LCN12: variants seen among roughly 807,000 people sequenced by gnomAD.
LCN12 encodes lipocalin 12.
LCN12 carries 15 observed loss-of-function variants against 23.7 expected under a neutral mutation model. The observed-to-expected ratio is 0.63, with a 90% CI of 0.42 to 0.97. LCN12 has a LOEUF of 0.97. Among genes scored for constraint, LCN12 ranks in the 50% least tolerant of loss-of-function variants. The pLI, the probability that LCN12 is intolerant of heterozygous loss-of-function variation, is 0.00. For synonymous variants in LCN12, 116 were observed against 111.5 expected, an observed-to-expected ratio of 1.04 and a Z score of -0.25; for missense variants, 219 against 249.6, an observed-to-expected ratio of 0.88 and a Z score of 0.83.
chr9:136,953,776 G>A lies in LCN12; in HGVS notation c.328G>A (p.Val110Met), dbSNP rs944829281. ...TGGGCAGTTCACTGTGGACCACGGT[G>A]TGGGTAAGCCAGTCACAGGAGGGAG... Reference protein sequence around the residue: ...QPGQFTVDHGVEPGADREETR... With the variant: ...QPGQFTVDHGMEPGADREETR... The change falls in exon 3 of 6, where the codon GTG becomes ATG. Residue 110 changes from valine (V) to methionine (M), a missense_variant. Coordinates refer to ENST00000371633, the MANE Select transcript of LCN12 (RefSeq NM_178536.4). 4 of 1,606,046 alleles carry A rather than the reference G, an allele frequency of 2.5e-6. No individual in the cohort carries two copies. The highest frequency in any genetic ancestry group is 2.7e-5 in the African/African-American group (2 of 75,004).
intron 2 of LCN12, among the ~76,000 whole-genome samples, chr9:136,953,269 C>T (rs1851211333): frequency 6.6e-6 from 1 of 151,848 alleles, no homozygotes; most frequent in Admixed American, 6.5e-5. Flanking sequence ...ACCTGTAATC[C>T]CAGCACTTCC....
rs1851257111 is a variant in LCN12, at chr9:136,954,261, A to T, written c.550+6A>T. 6.4e-7 allele frequency: 1 copy of T among 1,561,868 alleles called. No individual in the cohort carries two copies. The highest frequency in any genetic ancestry group is 8.7e-7 in the Non-Finnish European group (1 of 1,152,594). ...CGTCTTCCCAGATGTGACTGGTAACATGGTTCACCTGCAGGCATGCTGGGC... is the reference window on the plus strand; with the variant it reads ...CGTCTTCCCAGATGTGACTGGTAACTTGGTTCACCTGCAGGCATGCTGGGC... On this transcript the variant is annotated splice_donor_region_variant and intron_variant, in intron 5 of 5. Coordinates refer to ENST00000371633, the MANE Select transcript of LCN12 (RefSeq NM_178536.4).
At chr9:136,954,715 TC>T in intron 5 of LCN12, 6 of 1,291,504 alleles carry the variant, frequency 4.6e-6, no homozygotes, top group Non-Finnish European at 6.1e-6. Context: ...GAGCTTGGAC[TC>T]ATCCCAGGAG....
In LCN12 at chr9:136,954,352, C is replaced by T. The variant is rs866762896; in HGVS notation, c.550+97C>T. ...AGAGGAGCTGGACCCAGTGTCTACC[C>T]AGGGAGCTCAGCCCCAGCCTGCGCT... On this transcript the variant is annotated intron_variant, in intron 5 of 5. Transcript: ENST00000371633. 50 of 1,346,338 alleles carry T rather than the reference C, an allele frequency of 3.7e-5. No homozygotes were observed. The African/African-American group carries it at 6.3e-4, about 17-fold the overall frequency. 83.4% of individuals were successfully genotyped at this position (1,346,338 alleles called of 1,614,324 possible).
chr9:136,954,636 G>T, intron 5 of LCN12: 2 of 1,026,262 alleles, frequency 1.9e-6, no homozygotes, highest in Non-Finnish European at 2.6e-6. Flanking sequence ...CCCCTGTCCC[G>T]GGCCATCTCC....
rs1201005756 is a variant in LCN12, at chr9:136,952,801, A to C, written c.115-91A>C. On this transcript the variant is annotated intron_variant, in intron 1 of 5. Coordinates refer to ENST00000371633, the MANE Select transcript of LCN12 (RefSeq NM_178536.4). The stretch of plus-strand genomic sequence containing the variant: ...AGGAGCACTGCTCTGTGAGGGGTCC[A>C]GAAGCTGCCAGGGAGGGCGGGAGGG... The C allele has an allele frequency of 4.1e-6, 6 of 1,474,232 alleles. No homozygotes were observed. In the African/African-American group the frequency reaches 8.4e-5, roughly 21 times the overall value. 91.3% of individuals were successfully genotyped at this position (1,474,232 alleles called of 1,614,324 possible).
upstream of LCN12, among the ~76,000 whole-genome samples, chr9:136,950,486 G>A (rs980112329): frequency 6.6e-6 from 1 of 152,180 alleles, no homozygotes; most frequent in African/African-American, 2.4e-5. Flanking sequence ...CCTCCCGCAG[G>A]GCCCTGCATG....
Position 136,952,863 on chromosome 9 carries a change from GCCGCCCCTGCCCACCA to G in LCN12, c.115-23_115-8del. Reference sequence around the variant, plus strand: ...CTGCCCACTGCCACCCCTGCCCACCGCCGCCCCTGCCCACCACCGCCTCTGTAGTTCCAGGGGGAAT... The same window carrying G: ...CTGCCCACTGCCACCCCTGCCCACCGCCGCCTCTGTAGTTCCAGGGGGAAT... On this transcript the variant is annotated splice_polypyrimidine_tract_variant and intron_variant, in intron 1 of 5. Transcript: ENST00000371633. 9.7e-7 allele frequency: 1 copy of G among 1,025,966 alleles called. No homozygotes were observed. The highest frequency in any genetic ancestry group is 1.3e-5 in the South Asian group (1 of 79,872). 63.6% of individuals were successfully genotyped at this position (1,025,966 alleles called of 1,614,324 possible). A position where few individuals can be genotyped will look rare whatever the true frequency, so the allele number is the denominator to read the frequency against.
intron 2 of LCN12, 193 bp downstream of exon 2, chr9:136,953,221 T>C (rs1851209637): frequency 1.4e-6 from 1 of 716,670 alleles, no homozygotes. Context: ...CTCACACCTG[T>C]AATCCTAGCA....
rs1423458809 is a variant in LCN12, at chr9:136,952,362, C to T, written c.35C>T (p.Ser12Phe). 6.2e-7 allele frequency: 1 copy of T among 1,611,814 alleles called. No individual in the cohort carries two copies. The highest frequency in any genetic ancestry group is 8.5e-7 in the Non-Finnish European group (1 of 1,179,384). The change falls in exon 1 of 6, where the codon TCC becomes TTC. Residue 12 changes from serine (S) to phenylalanine (F), a missense_variant. By Grantham distance (155) the Ser-to-Phe change is radical. Transcript: ENST00000371633. ...CTGTGTGGCCTGTGGCTGTGGCTCT[C>T]CTTGCTGAAAGTCCTGCAGGCCCAG... ...RLLCGLWLWL[S>F]LLKVLQAQTP...
chr9:136,953,899 A>G lies in LCN12; in HGVS notation c.383A>G (p.Gln128Arg). 6.2e-7 allele frequency: 1 copy of G among 1,611,160 alleles called. No individual in the cohort carries two copies. The highest frequency in any genetic ancestry group is 1.1e-5 in the South Asian group (1 of 90,654). Residue 128 changes from glutamine to arginine, a missense_variant, in exon 4 of 6, where the codon CAG (glutamine) becomes CGG (arginine). Transcript: ENST00000371633. ...CGGGTGGTGGACAGCGACTACACCC[A>G]GTTCGCCCTGATGCTGTCCCGCAGA... is the stretch of plus-strand genomic sequence containing the variant. ...ETRVVDSDYT[Q>R]FALMLSRRHT...
upstream of LCN12, among the ~76,000 whole-genome samples, chr9:136,952,110 C>T (rs1024047616): frequency 2.1e-5 from 3 of 140,858 alleles, no homozygotes; most frequent in African/African-American, 7.8e-5. Flanking sequence ...CTGGCTGGAA[C>T]CCAAGAGACC....
At chr9:136,954,848 T>G in intron 5 of LCN12, 2 of 1,257,940 alleles carry the variant, frequency 1.6e-6, no homozygotes, top group Non-Finnish European at 2.1e-6. Context: ...TCCCTCCTCT[T>G]CCTGGAGGGA....
At chr9:136,950,206 G>A (rs1042195482), upstream of LCN12, among the ~76,000 whole-genome samples, 1 of 152,210 alleles carries the variant, frequency 6.6e-6, no homozygotes, top group East Asian at 1.9e-4. Context: ...CCCCGCGGTG[G>A]GGGGAGGAGG....
rs1851233354 is a variant in LCN12, at chr9:136,953,721, GTCT to G, written c.275_277del (p.Ser92del). The G allele has an allele frequency of 6.2e-7, 1 of 1,600,812 alleles. No homozygotes were observed. The highest frequency in any genetic ancestry group is 8.5e-7 in the Non-Finnish European group (1 of 1,173,924). On this transcript the variant is annotated inframe_deletion, in exon 3 of 6. Coordinates refer to ENST00000371633, the MANE Select transcript of LCN12 (RefSeq NM_178536.4). ...ACAGAGGCCAGCACTGTGACACATG[GTCT>G]TATGTGCTGATACCGGCAGCCCAGC... is the stretch of plus-strand genomic sequence containing the variant.
At chr9:136,955,690 T>C (rs1301924809), downstream of LCN12, among the ~76,000 whole-genome samples, 1 of 152,220 alleles carries the variant, frequency 6.6e-6, no homozygotes, top group Non-Finnish European at 1.5e-5. Context: ...TCTTTGCCCA[T>C]GGTTGCAGGT....
downstream of LCN12, chr9:136,955,541 C>T (rs1851303213): frequency 3.3e-6 from 3 of 895,742 alleles, no homozygotes; most frequent in Non-Finnish European, 5.0e-6. Context: ...GGCAAAGAGA[C>T]AGGAGCAAGG....
At chr9:136,950,241 G>T (rs753884332), upstream of LCN12, among the ~76,000 whole-genome samples, 2 of 152,210 alleles carry the variant, frequency 1.3e-5, no homozygotes, top group Non-Finnish European at 2.9e-5. Flanking sequence ...TGTCGTGTCC[G>T]GGAGGCTCCT....
intron 5 of LCN12, chr9:136,954,843 C>T: frequency 7.9e-7 from 1 of 1,264,658 alleles, no homozygotes; most frequent in African/African-American, 1.5e-5. Context: ...CTGAGTCCCT[C>T]CTCTTCCTGG....
Sources: gnomAD v4.1 joint callset for allele counts (sites outside exome capture counted in the v4.1 genomes callset) on GRCh38, gnomAD v4.1.1 for gene constraint, MANE v1.5 for transcripts, NCBI Gene and HGNC (gene_info 2026-07-23, HGNC 2026-07-21) for gene names.